ATP10D: variants seen among roughly 807,000 people sequenced by gnomAD.
ATP10D encodes ATPase phospholipid transporting 10D (putative).
In ATP10D, 89 loss-of-function variants were observed where a neutral mutation model predicts 144.8. That is an observed-to-expected ratio of 0.61 (90% CI 0.52 to 0.73). ATP10D has a LOEUF of 0.73. Ranked by LOEUF, ATP10D falls within the 30% of genes least tolerant of loss-of-function variation. The probability of loss-of-function intolerance (pLI) is 0.00; values close to 1 mark genes in which losing one functional copy is unlikely to be tolerated. For synonymous variants in ATP10D, 571 were observed against 615.1 expected (o/e 0.93, Z 1.06); for missense variants, 1,603 against 1,714.8 (o/e 0.93, Z 1.15).
chr4:47,526,597 G>A (rs1717256985), intron 5 of ATP10D, among the ~76,000 whole-genome samples: 1 of 152,158 alleles, frequency 6.6e-6, no homozygotes, highest in African/African-American at 2.4e-5. Flanking sequence ...TTTATTCACA[G>A]ATGGTATAAT....
intron 19 of ATP10D, among the ~76,000 whole-genome samples, chr4:47,579,465 G>A (rs963549861): frequency 1.3e-5 from 2 of 152,198 alleles, no homozygotes; most frequent in Admixed American, 6.5e-5. Context: ...ATGGTAGTAA[G>A]TGCCTGAGTG....
At chr4:47,516,243 C>CA (rs34726660) in intron 3 of ATP10D, among the ~76,000 whole-genome samples, 4,085 of 113,880 alleles carry the variant, frequency 0.036, 64 homozygotes, top group Admixed American at 0.072. Context: ...GACTCTATCT[C>CA]AAAAAAAAAA....
chr4:47,546,747 G>A lies in ATP10D; in HGVS notation c.1520G>A (p.Gly507Glu), dbSNP rs763879616. ...CCCAGCTGCAGGACAGTTCATAATG[G>A]GCCTTTGGGAAATAAGCCCTCAAAT... ...RAPSCRTVHN[G>E]PLGNKPSNHL... Residue 507 changes from glycine (G) to glutamate (E), a missense_variant, in exon 10 of 23, where the codon GGG (glycine) becomes GAG (glutamate). Gly to Glu is a moderately conservative substitution (Grantham distance 98, BLOSUM62 -2). Transcript: ENST00000273859. The A allele has an allele frequency of 1.9e-6, 3 of 1,614,064 alleles. No homozygotes were observed. Among genetic ancestry groups the A allele is most frequent in the South Asian group, 2.2e-5 (2 of 91,068 alleles).
chr4:47,550,172 T>G (rs1718662117), intron 10 of ATP10D, among the ~76,000 whole-genome samples: 1 of 152,060 alleles, frequency 6.6e-6, no homozygotes, highest in African/African-American at 2.4e-5. Context: ...TTGGTCAACT[T>G]TATGTCCCAT....
chr4:47,591,339 G>A lies in ATP10D; in HGVS notation c.4239G>A (p.Lys1413=). The change falls in exon 23 of 23, where the codon AAG becomes AAA. Residue 1413 remains lysine (K), a synonymous_variant. Coordinates refer to ENST00000273859, the MANE Select transcript of ATP10D (RefSeq NM_020453.4). ...TAGATCAAGGCTACTCTGAAACTAA[G>A]GCCTTTGAGATGGCTGGACCCTCCA... ...TALDQGYSET[K]AFEMAGPSKG... 6.2e-7 allele frequency: 1 copy of A among 1,612,748 alleles called. No homozygotes were observed. The highest frequency in any genetic ancestry group is 2.2e-5 in the East Asian group (1 of 44,880).
chr4:47,520,684 T>C (rs1176173861), intron 3 of ATP10D, among the ~76,000 whole-genome samples: 2 of 152,106 alleles, frequency 1.3e-5, no homozygotes, highest in African/African-American at 2.4e-5. Flanking sequence ...TTCCCCTGCC[T>C]CAGCCTCCCG....
rs113647414 is a variant in ATP10D, at chr4:47,575,900, G to A, written c.3367-873G>A. 4.8e-3 allele frequency among the ~76,000 whole-genome samples: 701 copies of A among 147,070 alleles called. 10 individuals are homozygous for A. The highest frequency in any genetic ancestry group is 0.016 in the African/African-American group (660 of 40,198). Reference sequence around the variant, plus strand: ...TATATCCTTACATAAAAAGAGATGAGATGATGAGAGCTCACTGGGGTCCCT... The same window carrying A: ...TATATCCTTACATAAAAAGAGATGAAATGATGAGAGCTCACTGGGGTCCCT... On this transcript the variant is annotated intron_variant, in intron 18 of 22. Coordinates refer to ENST00000273859, the MANE Select transcript of ATP10D (RefSeq NM_020453.4).
intron 16 of ATP10D, among the ~76,000 whole-genome samples, chr4:47,571,869 G>T (rs1031713976): frequency 6.6e-6 from 1 of 152,164 alleles, no homozygotes; most frequent in Non-Finnish European, 1.5e-5. Flanking sequence ...AGGGAGAAGG[G>T]TGTATCTGGA....
At chr4:47,514,241 A>T (rs1333811619) in intron 2 of ATP10D, among the ~76,000 whole-genome samples, 2 of 152,196 alleles carry the variant, frequency 1.3e-5, no homozygotes, top group African/African-American at 4.8e-5. Context: ...TGTTTAAAGG[A>T]CAGATTTGAA....
intron 18 of ATP10D, 92 bp from the exon 19 acceptor site, chr4:47,576,681 G>T (rs1208168344): frequency 6.2e-5 from 75 of 1,206,410 alleles, no homozygotes; most frequent in Non-Finnish European, 7.4e-5. Context: ...AGAGGCTGAG[G>T]TCACCCAGCT....
intron 1 of ATP10D, chr4:47,491,424 T>C: frequency 1.4e-6 from 1 of 721,290 alleles, no homozygotes; most frequent in Non-Finnish European, 2.5e-6. Context: ...AGAGAACATG[T>C]ATGGGGTGCC....
chr4:47,530,423 G>T (rs2109418465), intron 5 of ATP10D, among the ~76,000 whole-genome samples: 1 of 151,540 alleles, frequency 6.6e-6, no homozygotes, highest in Non-Finnish European at 1.5e-5. Context: ...GTGGGTTTTT[G>T]TTGTTGTTGC....
At chr4:47,506,627 A>T (rs1716032615) in intron 1 of ATP10D, among the ~76,000 whole-genome samples, 2 of 152,210 alleles carry the variant, frequency 1.3e-5, no homozygotes, top group South Asian at 4.1e-4. Context: ...TAAGATTGTA[A>T]ATCAATACCT....
chr4:47,574,868 T>C (rs111820326), intron 18 of ATP10D, among the ~76,000 whole-genome samples: 7,546 of 152,204 alleles, frequency 0.05, 268 homozygotes, highest in East Asian at 0.085. Flanking sequence ...TGGCATGATA[T>C]CAGCTCACTG....
chr4:47,555,387 C>A (rs1461652600), intron 11 of ATP10D, among the ~76,000 whole-genome samples: 1 of 152,164 alleles, frequency 6.6e-6, no homozygotes, highest in African/African-American at 2.4e-5. Flanking sequence ...GTCCCTGGTG[C>A]CAAAAAGGTT....
chr4:47,559,863 G>A (rs1247806592), intron 13 of ATP10D, among the ~76,000 whole-genome samples: 1 of 152,136 alleles, frequency 6.6e-6, no homozygotes, highest in Non-Finnish European at 1.5e-5. Flanking sequence ...AGCCGGATCT[G>A]GTGGTGCATG....
intron 3 of ATP10D, among the ~76,000 whole-genome samples, chr4:47,517,431 T>G (rs2109404910): frequency 6.6e-6 from 1 of 152,270 alleles, no homozygotes; most frequent in Middle Eastern, 3.4e-3. Context: ...AATGAAATAA[T>G]TACAGATCTT....
chr4:47,523,599 G>A (rs1007233967), intron 4 of ATP10D, among the ~76,000 whole-genome samples: 5 of 152,046 alleles, frequency 3.3e-5, no homozygotes, highest in African/African-American at 4.8e-5. Context: ...GCTTTTAGAC[G>A]CTTCTCAGTA....
intron 5 of ATP10D, among the ~76,000 whole-genome samples, chr4:47,531,578 A>T (rs576319587): frequency 1.3e-5 from 2 of 152,320 alleles, no homozygotes; most frequent in South Asian, 2.1e-4. Context: ...GGTTAGTATT[A>T]GAAAAGTCCT....
Sources: allele counts gnomAD v4.1 joint callset (sites outside exome capture counted in the v4.1 genomes callset), GRCh38; gene constraint gnomAD v4.1.1; transcripts MANE v1.5; gene names NCBI Gene and HGNC (gene_info 2026-07-23, HGNC 2026-07-21).